The following KRAS variants were observed in gnomAD, a reference collection of about 807,000 sequenced individuals.
KRAS encodes GTPase KRas.
A neutral mutation model predicts 21.0 loss-of-function variants in KRAS; 1 was observed. The observed-to-expected ratio is 0.05, with a 90% CI of 0.02 to 0.23. The LOEUF is 0.23. KRAS is among the 10% of genes least tolerant of loss of function. The pLI is 1.00. For missense variants in KRAS, 107 were observed against 221.8 expected, an observed-to-expected ratio of 0.48 and a Z score of 3.29; for synonymous variants, 67 against 72.5, an observed-to-expected ratio of 0.92 and a Z score of 0.39.
At chr12:25,247,233 T>C (rs552573046) in intron 1 of KRAS, among the ~76,000 whole-genome samples, 167 of 152,350 alleles carry the variant, frequency 1.1e-3, no homozygotes, top group Non-Finnish European at 1.9e-3. Flanking sequence ...AATGTGCATA[T>C]ATTGTAGATA....
chr12:25,219,408 G>T (rs1423109682), intron 4 of KRAS, among the ~76,000 whole-genome samples: 2 of 152,080 alleles, frequency 1.3e-5, no homozygotes, highest in Non-Finnish European at 2.9e-5. Flanking sequence ...TACTTGTGAG[G>T]CTATGGAAAC....
intron 4 of KRAS, among the ~76,000 whole-genome samples, chr12:25,219,076 C>G (rs938612881): frequency 2.0e-5 from 3 of 151,674 alleles, no homozygotes; most frequent in Non-Finnish European, 4.4e-5. Flanking sequence ...GTAGCTGGGA[C>G]TACAGGCATG....
chr12:25,243,233 T>C (rs1476485906), intron 2 of KRAS, among the ~76,000 whole-genome samples: 2 of 152,172 alleles, frequency 1.3e-5, no homozygotes, highest in Non-Finnish European at 2.9e-5. Flanking sequence ...TCTTACAGTT[T>C]AACTACACCA....
At chr12:25,213,196 A>G (rs904601875) in intron 4 of KRAS, among the ~76,000 whole-genome samples, 1 of 152,198 alleles carries the variant, frequency 6.6e-6, no homozygotes, top group Non-Finnish European at 1.5e-5. Context: ...TGTGACATTC[A>G]CCTACAGTCA....
At chr12:25,231,660 C>G (rs1044119395) in intron 2 of KRAS, among the ~76,000 whole-genome samples, 1 of 152,016 alleles carries the variant, frequency 6.6e-6, no homozygotes, top group African/African-American at 2.4e-5. Context: ...TAGCAAAGTT[C>G]TGAGACACAT....
chr12:25,205,807 A>C lies in KRAS; in HGVS notation c.*3988T>G, dbSNP rs1160694419. On this transcript the variant is annotated 3_prime_UTR_variant, in exon 5 of 5. Transcript: ENST00000311936. ...TTCAAACTATTAAACTAAAACACAG[A>C]TCTTAATCTAGTTATGACTATTCTT... The C allele has an allele frequency of 4.6e-6, 1 of 215,734 alleles. No homozygotes were observed. Among genetic ancestry groups the C allele is most frequent in the Non-Finnish European group, 9.3e-6 (1 of 107,148 alleles). 13.4% of individuals were successfully genotyped at this position (215,734 alleles called of 1,614,324 possible). A position where few individuals can be genotyped will look rare whatever the true frequency, so the allele number is the denominator to read the frequency against.
chr12:25,224,024 TC>T (rs1480858767), intron 4 of KRAS, among the ~76,000 whole-genome samples: 5 of 152,022 alleles, frequency 3.3e-5, no homozygotes, highest in African/African-American at 4.8e-5. Flanking sequence ...GTTTAAAAGT[TC>T]CTATTGCTTA....
chr12:25,240,389 A>G (rs971210124), intron 2 of KRAS, among the ~76,000 whole-genome samples: 1 of 152,234 alleles, frequency 6.6e-6, no homozygotes, highest in African/African-American at 2.4e-5. Flanking sequence ...ATTATGGATA[A>G]AAGATATTCT....
chr12:25,212,311 CAG>C (rs1278289603), intron 4 of KRAS, among the ~76,000 whole-genome samples: 1 of 152,178 alleles, frequency 6.6e-6, no homozygotes, highest in Non-Finnish European at 1.5e-5. Context: ...GTGATGGACA[CAG>C]AGAAGACACA....
At chr12:25,231,592 A>G (rs1951471833) in intron 2 of KRAS, among the ~76,000 whole-genome samples, 1 of 152,168 alleles carries the variant, frequency 6.6e-6, no homozygotes, top group Non-Finnish European at 1.5e-5. Flanking sequence ...GCAGTCCCCT[A>G]TTCACTGATA....
At chr12:25,244,218 A>C (rs1451287874) in intron 2 of KRAS, among the ~76,000 whole-genome samples, 2 of 152,210 alleles carry the variant, frequency 1.3e-5, no homozygotes, top group African/African-American at 4.8e-5. Context: ...AACTTGAAGA[A>C]AGTTCTTAGA....
chr12:25,226,873 A>G (rs1257385589), intron 3 of KRAS, among the ~76,000 whole-genome samples: 2 of 152,330 alleles, frequency 1.3e-5, no homozygotes, highest in African/African-American at 4.8e-5. Flanking sequence ...TAAGACTGTT[A>G]AAGTGACACC....
intron 4 of KRAS, among the ~76,000 whole-genome samples, chr12:25,213,388 G>A (rs951794340): frequency 6.6e-6 from 1 of 152,062 alleles, no homozygotes; most frequent in Admixed American, 6.6e-5. Context: ...CCTAAATCTG[G>A]TCATGGTACT....
At chr12:25,246,511 T>C (rs575407129) in intron 1 of KRAS, among the ~76,000 whole-genome samples, 1 of 152,012 alleles carries the variant, frequency 6.6e-6, no homozygotes, top group Admixed American at 6.6e-5. Context: ...TGAGCCCAGA[T>C]CACGCCACTG....
chr12:25,235,683 A>G (rs1023610715), intron 2 of KRAS, among the ~76,000 whole-genome samples: 2 of 152,164 alleles, frequency 1.3e-5, no homozygotes, highest in African/African-American at 4.8e-5. Flanking sequence ...AGGACATTCC[A>G]AGCAGGAAGG....
intron 4 of KRAS, among the ~76,000 whole-genome samples, chr12:25,222,839 A>G (rs1201215721): frequency 6.6e-6 from 1 of 152,220 alleles, no homozygotes; most frequent in Admixed American, 6.5e-5. Context: ...TGAGGTAGTA[A>G]TCATACAACC....
At chr12:25,244,560 C>G (rs1951652287) in intron 2 of KRAS, among the ~76,000 whole-genome samples, 1 of 152,070 alleles carries the variant, frequency 6.6e-6, no homozygotes, top group African/African-American at 2.4e-5. Flanking sequence ...TTCAAGGTGT[C>G]TTACAGGTCT....
chr12:25,213,677 G>A (rs1951222869), intron 4 of KRAS, among the ~76,000 whole-genome samples: 1 of 152,146 alleles, frequency 6.6e-6, no homozygotes, highest in Admixed American at 6.5e-5. Flanking sequence ...TAAAATTCAT[G>A]TAATAAAGAA....
intron 4 of KRAS, chr12:25,211,256 G>C (rs1951197805): frequency 6.6e-6 from 1 of 152,178 alleles, no homozygotes; most frequent in African/African-American, 2.4e-5. Flanking sequence ...AAATATTCAA[G>C]TGATATTATC....
Sources: allele counts gnomAD v4.1 joint callset (sites outside exome capture counted in the v4.1 genomes callset), GRCh38; gene constraint gnomAD v4.1.1; transcripts MANE v1.5; gene names NCBI Gene and HGNC (gene_info 2026-07-23, HGNC 2026-07-21).